CAMKMT: variants seen among roughly 807,000 people sequenced by gnomAD.
The protein encoded by CAMKMT is calmodulin-lysine N-methyltransferase.
A neutral mutation model predicts 48.0 loss-of-function variants in CAMKMT; 53 were observed. That is an observed-to-expected ratio of 1.10 (90% CI 0.89 to 1.39). CAMKMT has a LOEUF of 1.39. Ranked by LOEUF, CAMKMT falls within the 40% of genes most tolerant of loss-of-function variation. CAMKMT has a pLI of 0.00. For synonymous variants in CAMKMT, 165 were observed against 152.3 expected (o/e 1.08, Z -0.61); for missense variants, 428 against 402.7 (o/e 1.06, Z -0.54).
chr2:44,634,999 G>T (rs1415502700), intron 3 of CAMKMT, among the ~76,000 whole-genome samples: 2 of 152,150 alleles, frequency 1.3e-5, no homozygotes, highest in Non-Finnish European at 2.9e-5. Context: ...CTTGAGCCTG[G>T]GAGTTTGAGG....
At chr2:44,374,830 T>TA (rs1345081650) in intron 2 of CAMKMT, among the ~76,000 whole-genome samples, 3 of 151,114 alleles carry the variant, frequency 2.0e-5, no homozygotes, top group African/African-American at 7.3e-5. Context: ...GCTGCCAAGA[T>TA]TTTTTTTTTC....
chr2:44,414,674 G>A (rs1683430003), intron 3 of CAMKMT, among the ~76,000 whole-genome samples: 1 of 152,102 alleles, frequency 6.6e-6, no homozygotes, highest in Admixed American at 6.5e-5. Context: ...CCTGAGAGAG[G>A]GGACTACACA....
intron 1 of CAMKMT, among the ~76,000 whole-genome samples, chr2:44,364,626 G>A (rs139771097): frequency 1.3e-5 from 2 of 152,156 alleles, no homozygotes; most frequent in African/African-American, 2.4e-5. Context: ...TTTAAGTGGC[G>A]CATAGCACCT....
chr2:44,558,867 C>A (rs1668168188), intron 3 of CAMKMT, among the ~76,000 whole-genome samples: 1 of 152,030 alleles, frequency 6.6e-6, no homozygotes, highest in African/African-American at 2.4e-5. Flanking sequence ...TATTCGTACA[C>A]CAAACCTTAG....
chr2:44,657,887 GTTCATTTCAAAA>G lies in CAMKMT; in HGVS notation c.377-46390_377-46379del, dbSNP rs140431762. ...TTAACGTTTATCTAACATCTTAGGT[GTTCATTTCAAAA>G]TTCATATAAATGTCTCATTTTCCTC... On this transcript the variant is annotated intron_variant, in intron 3 of 10. Transcript: ENST00000378494. This position sits in a 1 kb window ranked among gnomAD's most constrained non-coding sequence, Gnocchi z 4.3. Among the ~76,000 whole-genome samples, 3,561 of 152,206 alleles carry G rather than the reference GTTCATTTCAAAA, an allele frequency of 0.023. 95 individuals are homozygous for G. The highest frequency in any genetic ancestry group is 0.076 in the African/African-American group (3,136 of 41,500).
At chr2:44,687,314 C>T (rs1676392516) in intron 3 of CAMKMT, among the ~76,000 whole-genome samples, 1 of 152,164 alleles carries the variant, frequency 6.6e-6, no homozygotes, top group Non-Finnish European at 1.5e-5. Context: ...TATTGTTTTA[C>T]TGATGTTTTT....
intron 3 of CAMKMT, among the ~76,000 whole-genome samples, chr2:44,576,072 A>T (rs1018096835): frequency 6.6e-6 from 1 of 152,022 alleles, no homozygotes; most frequent in African/African-American, 2.4e-5. Context: ...CACGCCTGCA[A>T]TCCCAGCACT....
In CAMKMT at chr2:44,685,884, T is replaced by G. The variant is rs1472344463; in HGVS notation, c.377-18399T>G. Among the ~76,000 whole-genome samples the G allele has an allele frequency of 2.6e-5, 4 of 152,228 alleles. No homozygotes were observed. In the South Asian group the frequency reaches 6.2e-4, roughly 24 times the overall value. On this transcript the variant is annotated intron_variant, in intron 3 of 10. Coordinates refer to ENST00000378494, the MANE Select transcript of CAMKMT (RefSeq NM_024766.5). The stretch of plus-strand genomic sequence containing the variant: ...TGGCTACACAGTTCTTTTGATGAGG[T>G]CAGATTTTTTTTTTTAACTCTGAGG...
chr2:44,380,630 C>G (rs1018123245), intron 2 of CAMKMT, among the ~76,000 whole-genome samples: 2 of 152,148 alleles, frequency 1.3e-5, no homozygotes, highest in Admixed American at 6.5e-5. Flanking sequence ...CTTTGTCATA[C>G]TATATTGATA....
intron 8 of CAMKMT, among the ~76,000 whole-genome samples, chr2:44,751,836 T>C (rs1335959528): frequency 1.3e-5 from 2 of 152,192 alleles, no homozygotes; most frequent in African/African-American, 4.8e-5. Flanking sequence ...CTGCTTCTGG[T>C]GAAGACCTCA....
intron 3 of CAMKMT, among the ~76,000 whole-genome samples, chr2:44,454,797 T>C (rs978088394): frequency 2.6e-5 from 4 of 152,160 alleles, no homozygotes; most frequent in Non-Finnish European, 5.9e-5. Context: ...AATTGTATTG[T>C]ATCAGTGAAT....
intron 3 of CAMKMT, among the ~76,000 whole-genome samples, chr2:44,600,457 C>T (rs974114555): frequency 6.6e-6 from 1 of 151,884 alleles, no homozygotes; most frequent in Non-Finnish European, 1.5e-5. Context: ...GGTAGAGAGA[C>T]AGGGTTTTGC....
intron 3 of CAMKMT, among the ~76,000 whole-genome samples, chr2:44,564,111 A>G (rs1043102712): frequency 1.3e-5 from 2 of 151,672 alleles, no homozygotes; most frequent in South Asian, 4.2e-4. Context: ...AAGTGTTCCT[A>G]TTTAGAGTCA....
At chr2:44,499,500 G>A (rs786412) in intron 3 of CAMKMT, among the ~76,000 whole-genome samples, 38,333 of 152,168 alleles carry the variant, frequency 0.25, 6,243 homozygotes, top group African/African-American at 0.46. Context: ...CATCAGTACA[G>A]TTCTTACAAA....
intron 3 of CAMKMT, among the ~76,000 whole-genome samples, chr2:44,449,097 A>G (rs192066663): frequency 3.3e-5 from 5 of 152,268 alleles, no homozygotes; most frequent in East Asian, 1.9e-4. Context: ...AAGTTGTACC[A>G]TTTAACTGGG....
chr2:44,507,430 A>G (rs1227090172), intron 3 of CAMKMT, among the ~76,000 whole-genome samples: 1 of 152,116 alleles, frequency 6.6e-6, no homozygotes, highest in Non-Finnish European at 1.5e-5. Context: ...TCTCCTTTTT[A>G]TTGACTGCAA....
intron 3 of CAMKMT, among the ~76,000 whole-genome samples, chr2:44,395,750 T>C (rs547578469): frequency 6.6e-6 from 1 of 152,284 alleles, no homozygotes; most frequent in South Asian, 2.1e-4. Context: ...TTTTTTATGG[T>C]TAGTAATATC....
chr2:44,381,272 A>G (rs956164053), intron 2 of CAMKMT, among the ~76,000 whole-genome samples: 2 of 152,186 alleles, frequency 1.3e-5, no homozygotes, highest in South Asian at 2.1e-4. Context: ...CTTAACTTCT[A>G]TTATCTCAGT....
intron 8 of CAMKMT, among the ~76,000 whole-genome samples, chr2:44,749,736 C>T (rs1383649724): frequency 2.6e-5 from 4 of 152,194 alleles, no homozygotes; most frequent in African/African-American, 9.6e-5. Flanking sequence ...CTCTTTAAAA[C>T]CCTGAACCAA....
Sources: allele counts gnomAD v4.1 joint callset (sites outside exome capture counted in the v4.1 genomes callset), GRCh38; gene constraint gnomAD v4.1.1; non-coding constraint Gnocchi (gnomAD v3.1); transcripts MANE v1.5; gene names NCBI Gene and HGNC (gene_info 2026-07-23, HGNC 2026-07-21).